SCMH1: variants seen among roughly 807,000 people sequenced by gnomAD.
SCMH1 encodes Scm polycomb group protein homolog 1, also known as polycomb protein SCMH1.
A neutral mutation model predicts 70.8 loss-of-function variants in SCMH1; 37 were observed. The observed-to-expected ratio is 0.52, with a 90% CI of 0.40 to 0.69. The LOEUF is 0.69. Among genes scored for constraint, SCMH1 ranks in the 30% least tolerant of loss-of-function variants. The pLI is 0.00. For missense variants in SCMH1, 607 were observed against 827.3 expected (o/e 0.73, Z 3.27); for synonymous variants, 292 against 307.4 (o/e 0.95, Z 0.52).
intron 6 of SCMH1, among the ~76,000 whole-genome samples, chr1:41,129,677 T>C (rs1338552496): frequency 6.6e-6 from 1 of 152,210 alleles, no homozygotes; most frequent in African/African-American, 2.4e-5. Context: ...CTTTTGGCTA[T>C]TGTGACTAAT....
chr1:41,190,691 T>C (rs995885252), intron 1 of SCMH1, among the ~76,000 whole-genome samples: 3 of 152,180 alleles, frequency 2.0e-5, no homozygotes, highest in Non-Finnish European at 2.9e-5. Context: ...TATGTATGTG[T>C]GTATACAAAT....
At chr1:41,145,771 C>T (rs1244295071) in intron 5 of SCMH1, among the ~76,000 whole-genome samples, 2 of 152,104 alleles carry the variant, frequency 1.3e-5, no homozygotes, top group African/African-American at 2.4e-5. Context: ...ATTCCTGTAT[C>T]CTAGTTATAA....
chr1:41,055,704 A>G lies in SCMH1; in HGVS notation c.1106-6814T>C, dbSNP rs150064681. ...CCCTTTTGAAAAGAAAGCATCTATA[A>G]ATGTTACCTCGTGTCTGTTGCACCA... is the stretch of plus-strand genomic sequence containing the variant. On this transcript the variant is annotated intron_variant, in intron 10 of 14. Coordinates refer to ENST00000337495, the Ensembl canonical transcript of SCMH1. 6.2e-3 allele frequency among the ~76,000 whole-genome samples: 951 copies of G among 152,336 alleles called. 15 individuals are homozygous for G. The highest frequency in any genetic ancestry group is 0.022 in the African/African-American group (910 of 41,576).
chr1:41,129,262 C>T (rs1674004413), intron 6 of SCMH1, among the ~76,000 whole-genome samples: 1 of 152,008 alleles, frequency 6.6e-6, no homozygotes, highest in Non-Finnish European at 1.5e-5. Flanking sequence ...GACATTAAGT[C>T]CATTCACATT....
At chr1:41,089,814 CAG>C (rs1251822688) in intron 8 of SCMH1, among the ~76,000 whole-genome samples, 1 of 17,168 alleles carries the variant, frequency 5.8e-5, no homozygotes, top group African/African-American at 4.6e-4. Flanking sequence ...TTTTTTGAGA[CAG>C]AGTCTTGCTC....
At chr1:41,050,052 TAA>T (rs950650965) in intron 10 of SCMH1, among the ~76,000 whole-genome samples, 5 of 143,422 alleles carry the variant, frequency 3.5e-5, no homozygotes, top group Non-Finnish European at 4.6e-5. Context: ...ACTCCGTCTT[TAA>T]AAAAAAAAAA....
At chr1:41,143,298 C>T (rs535855911) in intron 5 of SCMH1, among the ~76,000 whole-genome samples, 186 bp from the exon 6 acceptor site, 6 of 152,112 alleles carry the variant, frequency 3.9e-5, no homozygotes, top group East Asian at 1.9e-4. Context: ...TACTTTCCAA[C>T]GAAGCATCAA....
chr1:41,239,824 C>T (rs914317740), intron 1 of SCMH1, among the ~76,000 whole-genome samples: 2 of 152,116 alleles, frequency 1.3e-5, no homozygotes, highest in African/African-American at 4.8e-5. Flanking sequence ...TTTGTAGAGA[C>T]AGGGTCTTGC....
chr1:41,184,092 A>C (rs1331500816), intron 2 of SCMH1, among the ~76,000 whole-genome samples: 2 of 152,158 alleles, frequency 1.3e-5, no homozygotes, highest in Non-Finnish European at 2.9e-5. Context: ...AAAATGGTAA[A>C]TTCTGTGTTA....
chr1:41,189,088 A>C (rs369326908), intron 1 of SCMH1, among the ~76,000 whole-genome samples: 7 of 152,198 alleles, frequency 4.6e-5, no homozygotes, highest in Admixed American at 3.9e-4. Context: ...CAGGAGACAG[A>C]GGATTCATCT....
At chr1:41,241,710 A>G (rs1189293051) in intron 1 of SCMH1, among the ~76,000 whole-genome samples, 17 of 151,030 alleles carry the variant, frequency 1.1e-4, no homozygotes. Flanking sequence ...ACCTATACGG[A>G]CCGCCCCCAC....
intron 2 of SCMH1, 24 bp from the exon 3 acceptor site, chr1:41,161,456 C>G (rs1451742006): frequency 1.3e-6 from 2 of 1,537,072 alleles, no homozygotes; most frequent in Non-Finnish European, 1.7e-6. Context: ...GAAAAATAGT[C>G]ATGTGGAAAG....
intron 2 of SCMH1, among the ~76,000 whole-genome samples, chr1:41,183,544 A>G (rs1649384520): frequency 6.6e-6 from 1 of 151,920 alleles, no homozygotes; most frequent in Non-Finnish European, 1.5e-5. Context: ...TGACAGCCCT[A>G]AGCAAAGTAG....
intron 2 of SCMH1, among the ~76,000 whole-genome samples, chr1:41,175,312 A>G (rs1442514157): frequency 6.6e-6 from 1 of 152,130 alleles, no homozygotes; most frequent in Non-Finnish European, 1.5e-5. Context: ...TGGAGCTCCT[A>G]GTTCTTGAGC....
chr1:41,216,480 T>A (rs1029230229), intron 1 of SCMH1, among the ~76,000 whole-genome samples: 5 of 152,068 alleles, frequency 3.3e-5, no homozygotes, highest in Admixed American at 6.6e-5. Context: ...TTACAAGAAT[T>A]TGCATGAGGA....
intron 13 of SCMH1, among the ~76,000 whole-genome samples, chr1:41,035,689 T>TTA (rs1439929090): frequency 3.3e-5 from 5 of 152,230 alleles, no homozygotes; most frequent in Non-Finnish European, 7.3e-5. Flanking sequence ...TCCTATATTC[T>TTA]TAATTGCTAC....
intron 2 of SCMH1, among the ~76,000 whole-genome samples, chr1:41,178,678 G>C (rs1179993671): frequency 6.6e-6 from 1 of 152,210 alleles, no homozygotes; most frequent in Non-Finnish European, 1.5e-5. Context: ...TCAACAAGAA[G>C]AGCTAACTAT....
Position 41,222,657 on chromosome 1 carries a change from T to C in SCMH1, c.-118+19402A>G, listed in dbSNP as rs1659529851. ...CAGACACCTGGCACCCTAAAGCCTT[T>C]TTTCACTTGGGTATTACGGTCCACC... On this transcript the variant is annotated intron_variant, in intron 1 of 14. Coordinates refer to ENST00000337495, the Ensembl canonical transcript of SCMH1. 3.3e-5 allele frequency among the ~76,000 whole-genome samples: 5 copies of C among 152,244 alleles called. No individual in the cohort carries two copies. The South Asian group carries it at 1.0e-3, about 32-fold the overall frequency.
chr1:41,104,159 C>T (rs146563127), intron 8 of SCMH1, among the ~76,000 whole-genome samples: 1 of 152,262 alleles, frequency 6.6e-6, no homozygotes, highest in African/African-American at 2.4e-5. Flanking sequence ...GCATTTGCCA[C>T]CAATTTTCTC....
Sources: allele counts gnomAD v4.1 joint callset (sites outside exome capture counted in the v4.1 genomes callset), GRCh38; gene constraint gnomAD v4.1.1; transcripts MANE v1.5; gene names NCBI Gene and HGNC (gene_info 2026-07-23, HGNC 2026-07-21).